CBFB: variants seen among roughly 807,000 people sequenced by gnomAD.
CBFB encodes core-binding factor subunit beta.
Under a neutral mutation model 30.4 loss-of-function variants are expected in CBFB, and 9 were observed. The ratio of observed to expected loss-of-function variants is 0.30; its 90% confidence interval spans 0.18 to 0.52. The LOEUF is 0.52. Ranked by LOEUF, CBFB falls within the 20% of genes least tolerant of loss-of-function variation. CBFB has a pLI of 0.97. For missense variants in CBFB, 170 were observed against 244.0 expected (o/e 0.70, Z 2.02); for synonymous variants, 94 against 84.0 (o/e 1.12, Z -0.65).
chr16:67,033,159 G>GCCAC (rs777645531), intron 2 of CBFB, among the ~76,000 whole-genome samples: 1 of 152,106 alleles, frequency 6.6e-6, no homozygotes, highest in Non-Finnish European at 1.5e-5. Context: ...ACAGGCGTGA[G>GCCAC]CCACCACTCC....
rs370549438 is a variant in CBFB at position 67,029,393 on chromosome 16, C to T, written c.-15C>T. 6 of 1,522,610 alleles carry T rather than the reference C, an allele frequency of 3.9e-6. No individual in the cohort carries two copies. The highest frequency in any genetic ancestry group is 3.7e-5 in the South Asian group (3 of 81,638). 94.3% of individuals were successfully genotyped at this position (1,522,610 alleles called of 1,614,324 possible). A position where few individuals can be genotyped will look rare whatever the true frequency, so the allele number is the denominator to read the frequency against. ...CCCCGAGCGCGGCCGGCCGGCGCGGCCTCAGGGCGGGAAGATGCCGCGCGT... is the reference window on the plus strand; with the variant it reads ...CCCCGAGCGCGGCCGGCCGGCGCGGTCTCAGGGCGGGAAGATGCCGCGCGT... On this transcript the variant is annotated 5_prime_UTR_variant, in exon 1 of 6. Transcript: ENST00000412916.
intron 3 of CBFB, among the ~76,000 whole-genome samples, chr16:67,048,508 G>A (rs1342885573): frequency 1.3e-5 from 2 of 152,072 alleles, no homozygotes; most frequent in Non-Finnish European, 2.9e-5. Flanking sequence ...AAATTGAAAC[G>A]AAAGTCAGCA....
At chr16:67,029,885 G>A in intron 2 of CBFB, 72 bp downstream of exon 2, 1 of 1,040,500 alleles carries the variant, frequency 9.6e-7, no homozygotes, top group Non-Finnish European at 1.3e-6. Flanking sequence ...GCCGGTTCCG[G>A]ACGGCGGCGC....
chr16:67,041,669 G>C (rs1597126340), intron 3 of CBFB, among the ~76,000 whole-genome samples: 1 of 152,044 alleles, frequency 6.6e-6, no homozygotes, highest in Non-Finnish European at 1.5e-5. Flanking sequence ...CTGTCATCGG[G>C]ATGGGAAAAC....
At chr16:67,045,796 A>G (rs1446739043) in intron 3 of CBFB, among the ~76,000 whole-genome samples, 2 of 133,646 alleles carry the variant, frequency 1.5e-5, no homozygotes, top group Admixed American at 1.5e-4. Flanking sequence ...TACTTTCTAC[A>G]TTTTTTTTTT....
At chr16:67,060,155 T>G (rs1004578251) in intron 3 of CBFB, among the ~76,000 whole-genome samples, 1 of 152,034 alleles carries the variant, frequency 6.6e-6, no homozygotes, top group Non-Finnish European at 1.5e-5. Flanking sequence ...TTTTTTAAAA[T>G]TTTTGTAGAG....
chr16:67,069,368 T>C (rs2145754204), intron 4 of CBFB, among the ~76,000 whole-genome samples: 1 of 143,140 alleles, frequency 7.0e-6, no homozygotes, highest in East Asian at 2.0e-4. Context: ...AGACTTCATC[T>C]CAAAAAAAAA....
chr16:67,075,137 C>G (rs1280296082), intron 4 of CBFB, among the ~76,000 whole-genome samples: 1 of 151,336 alleles, frequency 6.6e-6, no homozygotes, highest in Non-Finnish European at 1.5e-5. Context: ...TTTCAGTGAG[C>G]CGAGATCACG....
intron 3 of CBFB, among the ~76,000 whole-genome samples, chr16:67,041,510 G>C (rs1021490495): frequency 1.3e-5 from 2 of 152,140 alleles, no homozygotes; most frequent in East Asian, 1.9e-4. Context: ...GCTGAGGCAG[G>C]AGAATTGCTT....
intron 3 of CBFB, among the ~76,000 whole-genome samples, chr16:67,040,787 G>A (rs998094388): frequency 6.6e-6 from 1 of 152,200 alleles, no homozygotes; most frequent in Non-Finnish European, 1.5e-5. Context: ...GAAGTTTGCA[G>A]TTTTAAATTG....
chr16:67,089,715 G>A (rs955994705), intron 5 of CBFB, among the ~76,000 whole-genome samples: 15 of 152,164 alleles, frequency 9.9e-5, no homozygotes, highest in African/African-American at 3.6e-4. Context: ...GTGGGTGGCA[G>A]AACATAATGA....
At chr16:67,082,918 A>T (rs886775092) in intron 5 of CBFB, among the ~76,000 whole-genome samples, 95 of 152,294 alleles carry the variant, frequency 6.2e-4, no homozygotes, top group Non-Finnish European at 9.7e-4. Flanking sequence ...AATAAATAAA[A>T]AAATCTATAG....
At chr16:67,085,848 T>C (rs1205676881) in intron 5 of CBFB, among the ~76,000 whole-genome samples, 1 of 150,936 alleles carries the variant, frequency 6.6e-6, no homozygotes, top group Non-Finnish European at 1.5e-5. Context: ...CGGCTAATTT[T>C]TTGTATTTTT....
intron 3 of CBFB, among the ~76,000 whole-genome samples, chr16:67,044,748 C>A (rs984637005): frequency 8.5e-5 from 13 of 152,066 alleles, no homozygotes; most frequent in Non-Finnish European, 1.9e-4. Flanking sequence ...GTTTATATAC[C>A]ATCCACAATT....
chr16:67,083,781 A>G (rs917084880), intron 5 of CBFB, among the ~76,000 whole-genome samples: 12 of 152,088 alleles, frequency 7.9e-5, no homozygotes, highest in Non-Finnish European at 1.8e-4. Flanking sequence ...ATTTTTTTAC[A>G]CAAAATTGTA....
At chr16:67,052,291 C>T (rs1487854544) in intron 3 of CBFB, among the ~76,000 whole-genome samples, 2 of 152,050 alleles carry the variant, frequency 1.3e-5, no homozygotes, top group Admixed American at 6.6e-5. Context: ...CCTACTAGGC[C>T]GAGTGCAGTT....
At chr16:67,076,414 CAT>C (rs1172047263) in intron 4 of CBFB, among the ~76,000 whole-genome samples, 6 of 152,070 alleles carry the variant, frequency 3.9e-5, no homozygotes, top group Admixed American at 2.0e-4. Flanking sequence ...AAAAACATCA[CAT>C]GTTATATGAA....
chr16:67,058,420 C>T (rs531582769), intron 3 of CBFB, among the ~76,000 whole-genome samples: 2 of 152,302 alleles, frequency 1.3e-5, no homozygotes, highest in South Asian at 4.1e-4. Context: ...GGATCACAGG[C>T]GTGAACCACC....
chr16:67,080,126 A>T (rs1180955362), intron 4 of CBFB, among the ~76,000 whole-genome samples: 1 of 152,158 alleles, frequency 6.6e-6, no homozygotes, highest in Non-Finnish European at 1.5e-5. Flanking sequence ...TAGTATTCAG[A>T]AGTGTGTGAC....
Sources: gnomAD v4.1 joint callset for allele counts (sites outside exome capture counted in the v4.1 genomes callset) on GRCh38, gnomAD v4.1.1 for gene constraint, MANE v1.5 for transcripts, NCBI Gene and HGNC (gene_info 2026-07-23, HGNC 2026-07-21) for gene names.